The following ZFR variants were observed in gnomAD, a reference collection of about 807,000 sequenced individuals.
The protein encoded by ZFR is zinc finger RNA-binding protein.
In ZFR, 19 loss-of-function variants were observed where a neutral mutation model predicts 130.7. That is an observed-to-expected ratio of 0.15 (90% CI 0.10 to 0.21). The LOEUF is 0.21. Ranked by LOEUF, ZFR falls within the 10% of genes least tolerant of loss-of-function variation. The pLI is 1.00. For synonymous variants in ZFR, 466 were observed against 456.9 expected, an observed-to-expected ratio of 1.02 and a Z score of -0.25; for missense variants, 872 against 1,321.5, an observed-to-expected ratio of 0.66 and a Z score of 5.27.
At chr5:32,422,406 A>C (rs544711834) in intron 2 of ZFR, among the ~76,000 whole-genome samples, 1 of 152,204 alleles carries the variant, frequency 6.6e-6, no homozygotes, top group Non-Finnish European at 1.5e-5. Flanking sequence ...CAGCAGATTT[A>C]GCAATTGCTA....
intron 11 of ZFR, among the ~76,000 whole-genome samples, chr5:32,392,352 T>C (rs1753200945): frequency 6.6e-6 from 1 of 152,152 alleles, no homozygotes; most frequent in African/African-American, 2.4e-5. Flanking sequence ...ATTCCCAATA[T>C]GTTACAAAGG....
At chr5:32,429,479 G>A (rs940055480) in intron 2 of ZFR, among the ~76,000 whole-genome samples, 17 of 152,238 alleles carry the variant, frequency 1.1e-4, no homozygotes, top group East Asian at 5.8e-4. Flanking sequence ...ACAGTTCTTA[G>A]GCACAAGACA....
chr5:32,391,860 A>G (rs1375954545), intron 11 of ZFR, among the ~76,000 whole-genome samples: 1 of 151,824 alleles, frequency 6.6e-6, no homozygotes, highest in Non-Finnish European at 1.5e-5. Flanking sequence ...CAGCCCCCCA[A>G]GCAGATGGGA....
chr5:32,440,090 A>G (rs150767667), intron 2 of ZFR, among the ~76,000 whole-genome samples: 9 of 152,316 alleles, frequency 5.9e-5, no homozygotes, highest in Admixed American at 3.3e-4. Context: ...TAGAACTGTC[A>G]TAATAGTTCT....
intron 10 of ZFR, among the ~76,000 whole-genome samples, 189 bp from the exon 11 acceptor site, chr5:32,395,493 T>C (rs570562561): frequency 6.6e-6 from 1 of 152,294 alleles, no homozygotes; most frequent in East Asian, 1.9e-4. Flanking sequence ...AAAAATTATG[T>C]AAAAAGTATG....
intron 5 of ZFR, among the ~76,000 whole-genome samples, chr5:32,408,333 A>AAAAC (rs1561900527): frequency 2.1e-5 from 3 of 140,160 alleles, no homozygotes; most frequent in South Asian, 2.2e-4. Flanking sequence ...AAAAAAAAAA[A>AAAAC]AAAACTAGAA....
intron 2 of ZFR, among the ~76,000 whole-genome samples, chr5:32,435,199 C>A (rs1171307770): frequency 6.6e-6 from 1 of 152,188 alleles, no homozygotes; most frequent in Non-Finnish European, 1.5e-5. Context: ...GCATGAACCA[C>A]AACACCCGAC....
intron 3 of ZFR, 40 bp downstream of exon 3, chr5:32,419,781 A>G: frequency 6.5e-7 from 1 of 1,542,512 alleles, no homozygotes; most frequent in Non-Finnish European, 8.7e-7. Context: ...AGACAAAGAA[A>G]CCCGCACATT....
At chr5:32,424,931 A>T (rs1002123896) in intron 2 of ZFR, among the ~76,000 whole-genome samples, 1 of 151,934 alleles carries the variant, frequency 6.6e-6, no homozygotes, top group Non-Finnish European at 1.5e-5. Flanking sequence ...GGAGTGAAAC[A>T]CAAGAGTTTC....
chr5:32,376,007 A>C (rs1230215336), intron 17 of ZFR, among the ~76,000 whole-genome samples: 1 of 151,474 alleles, frequency 6.6e-6, no homozygotes, highest in Non-Finnish European at 1.5e-5. Flanking sequence ...AAGCCTGGCT[A>C]ATTTTTTGTG....
At chr5:32,414,690 C>T (rs769466329) in intron 5 of ZFR, among the ~76,000 whole-genome samples, 21 of 152,078 alleles carry the variant, frequency 1.4e-4, no homozygotes, top group African/African-American at 4.1e-4. Context: ...GTAGAAAACT[C>T]GGTGTTACTT....
At position 32,400,028 on chromosome 5, in the gene ZFR, C is replaced by T. The variant is rs2111765948; in HGVS notation, c.1692G>A (p.Val564=). The T allele has an allele frequency of 1.2e-6, 2 of 1,606,190 alleles. No homozygotes were observed. The highest frequency in any genetic ancestry group is 1.7e-6 in the Non-Finnish European group (2 of 1,176,750). Residue 564 remains valine (V), a synonymous_variant, in exon 9 of 20, where the codon GTG becomes GTA. Transcript: ENST00000265069. ...LAALQSDVQP[V]GHDYVEEVRN... Reference sequence around the variant, plus strand: ...TTACCTCTTCCACATAATCATGGCCCACTGGCTGCACATCACTCTGTAAAG... The same window carrying T: ...TTACCTCTTCCACATAATCATGGCCTACTGGCTGCACATCACTCTGTAAAG...
At chr5:32,402,525 GA>G (rs1753475675) in intron 8 of ZFR, among the ~76,000 whole-genome samples, 1 of 151,566 alleles carries the variant, frequency 6.6e-6, no homozygotes, top group East Asian at 1.9e-4. Flanking sequence ...AAGCACTTTG[GA>G]AGTTGAGGCA....
At chr5:32,391,030 G>A (rs1753157727) in intron 11 of ZFR, among the ~76,000 whole-genome samples, 1 of 152,188 alleles carries the variant, frequency 6.6e-6, no homozygotes. Context: ...TCTCATCGCC[G>A]TGGTTTCAGT....
intron 12 of ZFR, among the ~76,000 whole-genome samples, chr5:32,389,221 A>G (rs2910929): frequency 0.94 from 142,669 of 152,300 alleles, 66,917 homozygotes; most frequent in African/African-American, 0.97. Flanking sequence ...TTATCTTAAA[A>G]CCATTTTATC....
At chr5:32,373,719 A>C (rs964024511) in intron 17 of ZFR, among the ~76,000 whole-genome samples, 2 of 152,248 alleles carry the variant, frequency 1.3e-5, no homozygotes, top group African/African-American at 4.8e-5. Flanking sequence ...CCTGAAGAAT[A>C]CAATACTAGG....
chr5:32,423,266 G>T (rs1003223634), intron 2 of ZFR, among the ~76,000 whole-genome samples: 5 of 152,118 alleles, frequency 3.3e-5, no homozygotes, highest in Non-Finnish European at 7.3e-5. Flanking sequence ...CCAGGAGGCA[G>T]AGGTTGCAGT....
intron 6 of ZFR, 46 bp downstream of exon 6, chr5:32,406,728 C>T (rs1581701120): frequency 1.3e-6 from 2 of 1,572,814 alleles, no homozygotes; most frequent in South Asian, 1.2e-5. Context: ...ACCAACTACA[C>T]TTAATAACCA....
intron 19 of ZFR, among the ~76,000 whole-genome samples, chr5:32,356,246 CAA>C (rs541557168): frequency 3.9e-4 from 59 of 151,956 alleles, no homozygotes; most frequent in African/African-American, 1.4e-3. Context: ...ATGTTGAAAA[CAA>C]AGAAAAATGG....
Sources: gnomAD v4.1 joint callset for allele counts (sites outside exome capture counted in the v4.1 genomes callset) on GRCh38, gnomAD v4.1.1 for gene constraint, MANE v1.5 for transcripts, NCBI Gene and HGNC (gene_info 2026-07-23, HGNC 2026-07-21) for gene names.